SBK1: variants seen among roughly 807,000 people sequenced by gnomAD.
The protein encoded by SBK1 is SH3 domain binding kinase 1, also known as serine/threonine-protein kinase SBK1.
Under a neutral mutation model 24.4 loss-of-function variants are expected in SBK1, and 11 were observed. The ratio of observed to expected loss-of-function variants is 0.45; its 90% CI spans 0.28 to 0.75. SBK1 has a LOEUF of 0.75. SBK1 is among the 30% of genes least tolerant of loss of function. The pLI is 0.12. For missense variants in SBK1, 467 were observed against 620.5 expected, an observed-to-expected ratio of 0.75 and a Z score of 2.63; for synonymous variants, 308 against 284.4, an observed-to-expected ratio of 1.08 and a Z score of -0.83.
intron 1 of SBK1, among the ~76,000 whole-genome samples, chr16:28,276,954 G>A (rs1488871068): frequency 6.6e-6 from 1 of 152,034 alleles, no homozygotes; most frequent in East Asian, 1.9e-4. Context: ...GTGAGCCACA[G>A]CTCCCGGGCG....
chr16:28,305,883 C>A (rs954063487), intron 1 of SBK1, among the ~76,000 whole-genome samples: 2 of 152,180 alleles, frequency 1.3e-5, no homozygotes, highest in African/African-American at 2.4e-5. Context: ...TGTCTTAAAA[C>A]CAGATTTGAC....
At chr16:28,300,432 G>T (rs139057343) in intron 1 of SBK1, among the ~76,000 whole-genome samples, 1 of 152,068 alleles carries the variant, frequency 6.6e-6, no homozygotes, top group East Asian at 1.9e-4. Context: ...TGATCCTCCC[G>T]CTTCAGCCTC....
chr16:28,311,291 C>A (rs1012884048), intron 1 of SBK1, among the ~76,000 whole-genome samples: 7 of 152,082 alleles, frequency 4.6e-5, no homozygotes, highest in African/African-American at 1.7e-4. Context: ...TCTTGCTGTT[C>A]AGCAGAGACA....
intron 1 of SBK1, among the ~76,000 whole-genome samples, chr16:28,294,748 G>C (rs2044626851): frequency 6.6e-6 from 1 of 152,198 alleles, no homozygotes; most frequent in African/African-American, 2.4e-5. Flanking sequence ...ACCCCCACCT[G>C]CTGCTGGCAC....
intron 1 of SBK1, among the ~76,000 whole-genome samples, chr16:28,302,169 T>C (rs1257938536): frequency 6.6e-6 from 1 of 152,164 alleles, no homozygotes; most frequent in African/African-American, 2.4e-5. Context: ...AACTAGTAGC[T>C]TACCTCATTT....
chr16:28,275,828 C>A (rs2044491396), intron 1 of SBK1, among the ~76,000 whole-genome samples: 1 of 151,726 alleles, frequency 6.6e-6, no homozygotes, highest in South Asian at 2.1e-4. Context: ...AGTGAGCTAT[C>A]ACTGCACCAC....
rs1020404475 is a variant in SBK1 at position 28,323,233 on chromosome 16, G to C, written c.*2312G>C. On this transcript the variant is annotated 3_prime_UTR_variant, in exon 4 of 4. Coordinates refer to ENST00000341901, the MANE Select transcript of SBK1 (RefSeq NM_001024401.3). ...CCTTTGCCCCTTAGGAGAGGTGTTGGTCACAGATGTTTACCTCAGTTTATG... is the reference window on the plus strand; with the variant it reads ...CCTTTGCCCCTTAGGAGAGGTGTTGCTCACAGATGTTTACCTCAGTTTATG... 2 of 150,394 alleles carry C rather than the reference G, an allele frequency of 1.3e-5. No homozygotes were observed. Among genetic ancestry groups the C allele is most frequent in the Admixed American group, 1.3e-4 (2 of 14,894 alleles). The allele number at this position is 150,394 out of a possible 1,614,324, so 9.3% of individuals were successfully genotyped here. A position where few individuals can be genotyped will look rare whatever the true frequency, so the allele number is the denominator to read the frequency against.
intron 1 of SBK1, among the ~76,000 whole-genome samples, chr16:28,280,206 T>A: frequency 7.4e-6 from 1 of 135,498 alleles, no homozygotes; most frequent in Non-Finnish European, 1.6e-5. Context: ...CATATATGTA[T>A]ATATACGTAT....
At chr16:28,318,123 A>G (rs988867159) in intron 2 of SBK1, among the ~76,000 whole-genome samples, 1 of 152,162 alleles carries the variant, frequency 6.6e-6, no homozygotes, top group Non-Finnish European at 1.5e-5. Context: ...CACATAGCCA[A>G]TGCCCTGCAG....
chr16:28,316,618 A>G (rs1323280229), intron 1 of SBK1, among the ~76,000 whole-genome samples: 1 of 152,148 alleles, frequency 6.6e-6, no homozygotes, highest in Non-Finnish European at 1.5e-5. Flanking sequence ...AAAATTAAAA[A>G]TTAGGCATGA....
At chr16:28,268,816 C>T (rs2044445741) in intron 1 of SBK1, among the ~76,000 whole-genome samples, 1 of 151,908 alleles carries the variant, frequency 6.6e-6, no homozygotes, top group Admixed American at 6.6e-5. Flanking sequence ...GGTGTTGATC[C>T]AGCAGTCTTG....
At chr16:28,261,421 T>A in intron 1 of SBK1, among the ~76,000 whole-genome samples, 1 of 136,014 alleles carries the variant, frequency 7.4e-6, no homozygotes, top group Non-Finnish European at 1.6e-5. Flanking sequence ...ACAGTGAGAC[T>A]CCCGTCTACA....
At chr16:28,273,788 A>G (rs2044481362) in intron 1 of SBK1, among the ~76,000 whole-genome samples, 1 of 152,194 alleles carries the variant, frequency 6.6e-6, no homozygotes, top group African/African-American at 2.4e-5. Context: ...TCTGCACATG[A>G]ATATTTATAG....
Position 28,259,429 on chromosome 16 carries a change from G to A in SBK1, c.184G>A (p.Val62Met). 1 of 986,044 alleles carries A rather than the reference G, an allele frequency of 1.0e-6. No individual in the cohort carries two copies. Among genetic ancestry groups the A allele is most frequent in the Non-Finnish European group, 1.2e-6 (1 of 830,400 alleles). 61.1% of individuals were successfully genotyped at this position (986,044 alleles called of 1,614,324 possible). A position where few individuals can be genotyped will look rare whatever the true frequency, so the allele number is the denominator to read the frequency against. The change falls in exon 1 of 4, where the codon GTG (valine) becomes ATG (methionine). Residue 62 changes from valine to methionine, a missense_variant. Coordinates refer to the SBK1 transcript ENST00000671413. This position sits in a 1 kb window ranked among gnomAD's most constrained non-coding sequence, Gnocchi z 6.0. ...GCCCATGGGCTGCGGAGTCGATGAT[G>A]TGCCGGCCTTCTGCTTCGTCTGCTT...
chr16:28,312,345 G>A (rs1023357767), intron 1 of SBK1, among the ~76,000 whole-genome samples: 4 of 152,206 alleles, frequency 2.6e-5, no homozygotes, highest in East Asian at 1.9e-4. Context: ...TCATCACCCC[G>A]TTGGTGGGTG....
At chr16:28,315,055 G>A (rs936180255) in intron 1 of SBK1, among the ~76,000 whole-genome samples, 13 of 152,166 alleles carry the variant, frequency 8.5e-5, no homozygotes, top group African/African-American at 3.1e-4. Flanking sequence ...GTGCTCAGGG[G>A]CTGGAGGCTG....
intron 1 of SBK1, among the ~76,000 whole-genome samples, chr16:28,308,724 G>A (rs560409983): frequency 2.7e-5 from 4 of 149,576 alleles, no homozygotes; most frequent in Admixed American, 1.3e-4. Context: ...AAGCTATCGT[G>A]CCTGGCGTTC....
At chr16:28,278,900 A>G (rs999894264) in intron 1 of SBK1, among the ~76,000 whole-genome samples, 4 of 152,020 alleles carry the variant, frequency 2.6e-5, no homozygotes, top group African/African-American at 9.7e-5. Flanking sequence ...TGCCCCATCA[A>G]CCTCCCTGTG....
intron 1 of SBK1, among the ~76,000 whole-genome samples, chr16:28,300,991 C>T (rs767878481): frequency 4.6e-5 from 7 of 151,736 alleles, no homozygotes. Context: ...TGGAGAAGGG[C>T]CCATCTCTTC....
Sources: gnomAD v4.1 joint callset for allele counts (sites outside exome capture counted in the v4.1 genomes callset) on GRCh38, gnomAD v4.1.1 for gene constraint, Gnocchi (gnomAD v3.1) non-coding constraint, MANE v1.5 for transcripts, NCBI Gene and HGNC (gene_info 2026-07-23, HGNC 2026-07-21) for gene names.